Variants in NXPE1 observed in about 807,000 individuals in gnomAD.
The protein encoded by NXPE1 is neurexophilin and PC-esterase domain family member 1.
A neutral mutation model predicts 33.3 loss-of-function variants in NXPE1; 31 were observed. The ratio of observed to expected loss-of-function variants is 0.93; its 90% CI spans 0.70 to 1.26. The LOEUF (loss-of-function observed/expected upper bound fraction) is 1.26. Ranked by LOEUF, NXPE1 falls within the 50% of genes most tolerant of loss-of-function variation. The probability of loss-of-function intolerance (pLI) is 0.00; values close to 1 mark genes in which losing one functional copy is unlikely to be tolerated. For synonymous variants in NXPE1, 229 were observed against 231.4 expected, an observed-to-expected ratio of 0.99 and a Z score of 0.09; for missense variants, 661 against 655.6, an observed-to-expected ratio of 1.01 and a Z score of -0.09.
At chr11:114,530,596 A>T in exon 6 of NXPE1, 1 of 1,614,122 alleles carries the variant, frequency 6.2e-7, no homozygotes, top group Non-Finnish European at 8.5e-7. Flanking sequence ...GCCCTCAGGA[A>T]ATCCCCACCA....
rs760650209 is a variant in NXPE1 at position 114,530,644 on chromosome 11, G to A, written c.364C>T (p.Leu122=). ...TGTCCCAAGTGGTCCCTCACCTCCA[G>A]TAGGATGTCCAGCTGGTCTCCCCTG... The change falls in exon 6 of 9, where the codon CTG becomes TTG. Residue 122 remains leucine (L), a synonymous_variant. Coordinates refer to ENST00000534921, the Ensembl canonical transcript of NXPE1. 12 of 1,614,052 alleles carry A rather than the reference G, an allele frequency of 7.4e-6. No individual in the cohort carries two copies. The East Asian group carries it at 1.6e-4, about 21-fold the overall frequency.
intron 1 of NXPE1, among the ~76,000 whole-genome samples, chr11:114,553,258 T>G (rs1258772300): frequency 6.6e-6 from 1 of 152,232 alleles, no homozygotes; most frequent in Non-Finnish European, 1.5e-5. Flanking sequence ...TGTCTGTGCC[T>G]TCATTAGACT....
intron 5 of NXPE1, among the ~76,000 whole-genome samples, chr11:114,540,102 C>A (rs185102660): frequency 6.6e-6 from 1 of 152,308 alleles, no homozygotes; most frequent in Admixed American, 6.5e-5. Flanking sequence ...ATTACAGACG[C>A]CTGCCATCAT....
chr11:114,519,392 A>C (rs1663856439), downstream of NXPE1, among the ~76,000 whole-genome samples: 1 of 152,218 alleles, frequency 6.6e-6, no homozygotes, highest in Non-Finnish European at 1.5e-5. Flanking sequence ...CTCTCTAAAG[A>C]GATGGTAAAT....
intron 1 of NXPE1, chr11:114,553,876 G>A: frequency 1.0e-6 from 1 of 964,252 alleles, no homozygotes; most frequent in Non-Finnish European, 1.2e-6. Flanking sequence ...AGGCCATGAT[G>A]GGTACATTTA....
intron 5 of NXPE1, among the ~76,000 whole-genome samples, 193 bp from the exon 6 acceptor site, chr11:114,531,101 T>C (rs181556848): frequency 6.6e-6 from 1 of 151,640 alleles, no homozygotes. Context: ...GATATTATGA[T>C]GATGATATAA....
downstream of NXPE1, among the ~76,000 whole-genome samples, chr11:114,520,820 T>C (rs78307812): frequency 5.0e-3 from 755 of 152,342 alleles, 4 homozygotes; most frequent in African/African-American, 0.017. Context: ...TGAGCATCTT[T>C]CTTACAGATC....
intron 5 of NXPE1, among the ~76,000 whole-genome samples, chr11:114,550,855 A>C (rs750887091): frequency 1.3e-5 from 2 of 152,200 alleles, no homozygotes. Context: ...AGCTTTAACA[A>C]GGGCCATTTT....
At chr11:114,558,683 G>T (rs1292689559) in intron 1 of NXPE1, among the ~76,000 whole-genome samples, 1 of 152,108 alleles carries the variant, frequency 6.6e-6, no homozygotes, top group Admixed American at 6.6e-5. Flanking sequence ...GCTGAACTAG[G>T]TCACAATATA....
chr11:114,530,442 G>T, exon 6 of NXPE1: 1 of 1,614,186 alleles, frequency 6.2e-7, no homozygotes, highest in Non-Finnish European at 8.5e-7. Flanking sequence ...GAGAGCCGAC[G>T]CCCCTTCACT....
chr11:114,518,985 G>T (rs192372965), downstream of NXPE1, among the ~76,000 whole-genome samples: 5 of 152,062 alleles, frequency 3.3e-5, no homozygotes, highest in Middle Eastern at 3.2e-3. Context: ...GTAATGACAG[G>T]TGTATTAATA....
intron 5 of NXPE1, among the ~76,000 whole-genome samples, chr11:114,533,731 C>A (rs557364220): frequency 4.6e-5 from 7 of 152,240 alleles, no homozygotes; most frequent in Admixed American, 3.9e-4. Context: ...GGCAGCAAGA[C>A]TAGGGGAGGG....
intron 5 of NXPE1, among the ~76,000 whole-genome samples, chr11:114,547,362 T>G (rs73564290): frequency 1.0e-3 from 154 of 152,286 alleles, no homozygotes; most frequent in African/African-American, 3.5e-3. Flanking sequence ...GAAGGACAGT[T>G]TACAAAATAC....
rs944101757 is a variant in NXPE1 at position 114,549,495 on chromosome 11, T to C, written c.99+1608A>G. Among the ~76,000 whole-genome samples, 5 of 152,204 alleles carry C rather than the reference T, an allele frequency of 3.3e-5. 1 individual carries two copies. The Middle Eastern group carries it at 0.01, about 311-fold the overall frequency. On this transcript the variant is annotated intron_variant, in intron 5 of 8. Transcript: ENST00000534921. ...AATACAGCTAATGTGAGGAATTACA[T>C]GATTATCTTCATAAAAGCACAATAG...
At position 114,522,929 on chromosome 11, in the gene NXPE1, C is replaced by CT; in HGVS notation, c.1057_1058insA (p.Gly353GlufsTer23). On this transcript the variant is annotated frameshift_variant, in exon 8 of 9. Transcript: ENST00000534921. LOFTEE classifies it high-confidence loss of function. Reference sequence around the variant, plus strand: ...GATCCACTGACGTAGTGTAGAGTCTCCCAGGAGGTAAATGAGTTTGCCTTT... The same window carrying CT: ...GATCCACTGACGTAGTGTAGAGTCTCTCCAGGAGGTAAATGAGTTTGCCTTT... 1 of 1,613,466 alleles carries CT rather than the reference C, an allele frequency of 6.2e-7. No individual in the cohort carries two copies. The highest frequency in any genetic ancestry group is 8.5e-7 in the Non-Finnish European group (1 of 1,179,546).
Position 114,530,168 on chromosome 11 carries a change from T to C in NXPE1, c.833+7A>G. On this transcript the variant is annotated splice_region_variant and intron_variant, in intron 6 of 8. Transcript: ENST00000534921. ...CACTTCTCAGTATACATGAAAAGTA[T>C]ACTCACCTGTGGAAAAGGCTGTTTT... 6.3e-7 allele frequency: 1 copy of C among 1,591,044 alleles called. No homozygotes were observed. The highest frequency in any genetic ancestry group is 8.5e-7 in the Non-Finnish European group (1 of 1,170,214).
chr11:114,527,158 T>G (rs1407088441), intron 7 of NXPE1: 8 of 152,546 alleles, frequency 5.2e-5, no homozygotes, highest in African/African-American at 1.7e-4. Flanking sequence ...TCATGATGAT[T>G]GGGTTTTCAT....
intron 6 of NXPE1, chr11:114,529,105 A>T (rs1374173684): frequency 3.2e-6 from 1 of 316,276 alleles, no homozygotes; most frequent in African/African-American, 2.1e-5. Context: ...TATGGAAAAA[A>T]GACTCTAAAC....
intron 5 of NXPE1, among the ~76,000 whole-genome samples, chr11:114,545,501 A>G (rs1948246204): frequency 6.6e-6 from 1 of 152,192 alleles, no homozygotes; most frequent in Non-Finnish European, 1.5e-5. Flanking sequence ...TTACTATGAC[A>G]TTCTGGAAAA....
Sources: allele counts gnomAD v4.1 joint callset (sites outside exome capture counted in the v4.1 genomes callset), GRCh38; gene constraint gnomAD v4.1.1; transcripts MANE v1.5; gene names NCBI Gene and HGNC (gene_info 2026-07-23, HGNC 2026-07-21).